DLG2: variants seen among roughly 807,000 people sequenced by gnomAD.
The protein encoded by DLG2 is disks large homolog 2.
DLG2 carries 45 observed loss-of-function variants against 132.5 expected under a neutral mutation model. The ratio of observed to expected loss-of-function variants is 0.34; its 90% confidence interval spans 0.27 to 0.44. The LOEUF (loss-of-function observed/expected upper bound fraction) is 0.44. Among genes scored for constraint, DLG2 ranks in the 20% least tolerant of loss-of-function variants. The pLI, the probability that DLG2 is intolerant of heterozygous loss-of-function variation, is 1.00. For missense variants in DLG2, 1,045 were observed against 1,196.9 expected (o/e 0.87, Z 1.87); for synonymous variants, 424 against 419.6 (o/e 1.01, Z -0.13).
rs765677721 is a variant in DLG2 at position 85,497,572 on chromosome 11, A to G, written c.40+101085T>C. Among the ~76,000 whole-genome samples the G allele has an allele frequency of 1.6e-4, 25 of 152,308 alleles. 1 individual carries two copies. Among genetic ancestry groups the G allele is most frequent in the South Asian group, 4.1e-4 (2 of 4,828 alleles). ...GCCAACATTCAAATTCAGGAAATAC[A>G]GAGAACACCACAAAGATATTCCTTG... On this transcript the variant is annotated intron_variant, in intron 3 of 27. Coordinates refer to ENST00000376104, the MANE Select transcript of DLG2 (RefSeq NM_001142699.3).
chr11:84,527,200 A>G (rs542071789), intron 7 of DLG2, among the ~76,000 whole-genome samples: 1 of 152,356 alleles, frequency 6.6e-6, no homozygotes, highest in South Asian at 2.1e-4. Flanking sequence ...GGGATGCACT[A>G]ACTCCTTGTG....
At chr11:84,365,917 A>C (rs1242359848) in intron 7 of DLG2, among the ~76,000 whole-genome samples, 1 of 152,082 alleles carries the variant, frequency 6.6e-6, no homozygotes, top group Non-Finnish European at 1.5e-5. Context: ...GAACTTCCCC[A>C]ATCTAGCAAG....
chr11:85,495,966 C>T (rs1274665339), intron 3 of DLG2, among the ~76,000 whole-genome samples: 1 of 152,164 alleles, frequency 6.6e-6, no homozygotes, highest in Non-Finnish European at 1.5e-5. Flanking sequence ...CTCAGCTCTA[C>T]AGCTCCCAGT....
chr11:85,063,640 T>G (rs1031136968), intron 6 of DLG2, among the ~76,000 whole-genome samples: 1 of 151,896 alleles, frequency 6.6e-6, no homozygotes, highest in African/African-American at 2.4e-5. Context: ...TAAGTAGAAA[T>G]GTGCTGTATT....
intron 7 of DLG2, among the ~76,000 whole-genome samples, chr11:84,305,597 T>A (rs1180114665): frequency 1.3e-5 from 2 of 152,140 alleles, no homozygotes; most frequent in Non-Finnish European, 2.9e-5. Context: ...ATCTAGCTAG[T>A]TATCTGTCTA....
chr11:85,334,682 C>T (rs963606798), intron 3 of DLG2, among the ~76,000 whole-genome samples: 2 of 152,068 alleles, frequency 1.3e-5, no homozygotes, highest in Admixed American at 1.3e-4. Flanking sequence ...TCATTCTTTA[C>T]CCAATAACAA....
intron 5 of DLG2, among the ~76,000 whole-genome samples, chr11:85,136,413 T>C (rs2076149556): frequency 6.6e-6 from 1 of 152,216 alleles, no homozygotes; most frequent in African/African-American, 2.4e-5. Context: ...TAGAGGATAA[T>C]TCACTCCTTT....
At chr11:85,497,308 C>A (rs565927857) in intron 3 of DLG2, among the ~76,000 whole-genome samples, 53 of 151,174 alleles carry the variant, frequency 3.5e-4, no homozygotes, top group Non-Finnish European at 6.0e-4. Flanking sequence ...CCAATTTGAT[C>A]AAGCAGAAGA....
intron 7 of DLG2, among the ~76,000 whole-genome samples, chr11:84,277,278 T>C (rs1031164174): frequency 6.6e-6 from 1 of 152,198 alleles, no homozygotes; most frequent in African/African-American, 2.4e-5. Flanking sequence ...AATGTACACA[T>C]TTTTAAGTGC....
chr11:83,931,855 C>T (rs555163206), intron 14 of DLG2, among the ~76,000 whole-genome samples: 136 of 152,290 alleles, frequency 8.9e-4, no homozygotes, highest in Non-Finnish European at 1.6e-3. Flanking sequence ...AGGATGGTTT[C>T]ATAGTGGACT....
In DLG2 at chr11:85,509,200, T is replaced by C. The variant is rs571827704; in HGVS notation, c.40+89457A>G. Among the ~76,000 whole-genome samples the C allele has an allele frequency of 2.6e-5, 4 of 152,216 alleles. No individual in the cohort carries two copies. In the East Asian group the frequency reaches 7.7e-4, roughly 29 times the overall value. ...AAGGAATCCCATGCCTATCTACACCTGAGTCCTGAAAAGAAATAAATCTAA... is the reference window on the plus strand; with the variant it reads ...AAGGAATCCCATGCCTATCTACACCCGAGTCCTGAAAAGAAATAAATCTAA... On this transcript the variant is annotated intron_variant, in intron 3 of 27. Transcript: ENST00000376104.
chr11:84,455,111 A>T (rs1376702833), intron 7 of DLG2, among the ~76,000 whole-genome samples: 1 of 151,426 alleles, frequency 6.6e-6, no homozygotes, highest in Non-Finnish European at 1.5e-5. Flanking sequence ...GGGAAACTAA[A>T]ATAATTTGTC....
At chr11:83,794,977 C>A (rs575318131) in intron 17 of DLG2, among the ~76,000 whole-genome samples, 3 of 152,252 alleles carry the variant, frequency 2.0e-5, no homozygotes, top group African/African-American at 7.2e-5. Context: ...GGTCCAAAAG[C>A]AACCTGATCT....
intron 6 of DLG2, among the ~76,000 whole-genome samples, chr11:84,977,504 TCTAA>T (rs1394128784): frequency 7.2e-5 from 11 of 152,172 alleles, no homozygotes; most frequent in African/African-American, 2.7e-4. Flanking sequence ...ACAGAAAGCA[TCTAA>T]CTGATACCCT....
chr11:84,600,147 A>AGAAAGAAAGAAG, intron 6 of DLG2, among the ~76,000 whole-genome samples: 1 of 122,680 alleles, frequency 8.2e-6, no homozygotes, highest in East Asian at 2.1e-4. Flanking sequence ...AAAGAAGGAA[A>AGAAAGAAAGAAG]GAAAGAAAGA....
intron 6 of DLG2, among the ~76,000 whole-genome samples, chr11:84,860,683 CA>C (rs1247941819): frequency 6.6e-6 from 1 of 151,884 alleles, no homozygotes; most frequent in Non-Finnish European, 1.5e-5. Context: ...ATAGGTAGAC[CA>C]AACTCTGCCT....
chr11:85,495,604 T>C (rs544797965), intron 3 of DLG2, among the ~76,000 whole-genome samples: 10 of 152,072 alleles, frequency 6.6e-5, no homozygotes, highest in Admixed American at 1.3e-4. Flanking sequence ...CCAGTTAGAA[T>C]GGTGATCATT....
chr11:85,038,438 C>T (rs1254284419), intron 6 of DLG2, among the ~76,000 whole-genome samples: 1 of 151,978 alleles, frequency 6.6e-6, no homozygotes, highest in East Asian at 1.9e-4. Context: ...TTTCAAGCCT[C>T]ACAACAACCT....
intron 7 of DLG2, among the ~76,000 whole-genome samples, chr11:84,458,559 A>G (rs1163370367): frequency 6.6e-6 from 1 of 150,770 alleles, no homozygotes; most frequent in African/African-American, 2.4e-5. Context: ...ATTTTTGTGA[A>G]TTGTTTAGGA....
Sources: gnomAD v4.1 joint callset for allele counts (sites outside exome capture counted in the v4.1 genomes callset) on GRCh38, gnomAD v4.1.1 for gene constraint, MANE v1.5 for transcripts, NCBI Gene and HGNC (gene_info 2026-07-23, HGNC 2026-07-21) for gene names.